Variants in PDE2A observed in about 807,000 individuals in gnomAD.
PDE2A encodes phosphodiesterase 2A.
Under a neutral mutation model 133.6 loss-of-function variants are expected in PDE2A, and 53 were observed. The observed-to-expected ratio is 0.40, with a 90% CI of 0.32 to 0.50. The LOEUF is 0.50. PDE2A is among the 20% of genes least tolerant of loss of function. PDE2A has a pLI of 0.73. For missense variants in PDE2A, 796 were observed against 1,232.4 expected (o/e 0.65, Z 5.30); for synonymous variants, 491 against 490.2 (o/e 1.00, Z -0.02).
At position 72,589,810 on chromosome 11, in the gene PDE2A, G is replaced by C. The variant is rs375898936; in HGVS notation, c.832-18C>G. On this transcript the variant is annotated intron_variant, in intron 10 of 30. Transcript: ENST00000334456. The stretch of plus-strand genomic sequence containing the variant: ...CCGATGACCTGAGGAACGGAGTGCA[G>C]GGGGCTGGTTAAAGGAAAGGCAATG... 55 of 1,613,048 alleles carry C rather than the reference G, an allele frequency of 3.4e-5. No homozygotes were observed. Among genetic ancestry groups the C allele is most frequent in the Non-Finnish European group, 4.3e-5 (51 of 1,179,558 alleles).
intron 2 of PDE2A, chr11:72,631,266 G>T (rs4944591): frequency 0.15 from 102,097 of 660,988 alleles, 8,241 homozygotes; most frequent in Middle Eastern, 0.17. Flanking sequence ...TTGCCTGCTT[G>T]CACCCTGCTC....
In PDE2A at chr11:72,579,073, C is replaced by T. The variant is rs1314844634; in HGVS notation, c.2357-64G>A. 10 of 1,244,834 alleles carry T rather than the reference C, an allele frequency of 8.0e-6. No individual in the cohort carries two copies. In the African/African-American group the frequency reaches 1.0e-4, roughly 13 times the overall value. The allele number at this position is 1,244,834 out of a possible 1,614,324, so 77.1% of individuals were successfully genotyped here. A position where few individuals can be genotyped will look rare whatever the true frequency, so the allele number is the denominator to read the frequency against. On this transcript the variant is annotated intron_variant, in intron 27 of 30. Transcript: ENST00000334456. The stretch of plus-strand genomic sequence containing the variant: ...CCTCTTTGCCCTTCTGAGGACAAGG[C>T]TCCCAGGGCCCAACCCAGAGCGGTC...
At chr11:72,589,056 G>T in intron 12 of PDE2A, 119 bp downstream of exon 12, 2 of 1,223,334 alleles carry the variant, frequency 1.6e-6, no homozygotes, top group Non-Finnish European at 2.4e-6. Flanking sequence ...TGGGACAGTA[G>T]AAAGTCCCCA....
intron 2 of PDE2A, among the ~76,000 whole-genome samples, chr11:72,630,028 G>T (rs1246681300): frequency 5.9e-5 from 9 of 152,038 alleles, no homozygotes; most frequent in Non-Finnish European, 1.2e-4. Flanking sequence ...CCTCCTCTGT[G>T]CCGATCTTCA....
rs1388735867 is a variant in PDE2A at position 72,597,096 on chromosome 11, G to T, written c.433+414C>A. Among the ~76,000 whole-genome samples, 1 of 152,092 alleles carries T rather than the reference G, an allele frequency of 6.6e-6. No homozygotes were observed. The highest frequency in any genetic ancestry group is 1.5e-5 in the Non-Finnish European group (1 of 68,024). ...GAGGCAGAGAGGGACATGGCGGACA[G>T]GAGGCATGGAGGAGAAGAAAAAGAG... On this transcript the variant is annotated intron_variant, in intron 5 of 30. Transcript: ENST00000334456. This position sits in a 1 kb window ranked among gnomAD's most constrained non-coding sequence, Gnocchi z 4.6.
intron 1 of PDE2A, among the ~76,000 whole-genome samples, chr11:72,650,804 T>A (rs1029766682): frequency 6.6e-6 from 1 of 151,112 alleles, no homozygotes; most frequent in African/African-American, 2.4e-5. Flanking sequence ...CCACCTGCTA[T>A]TCCTGGGCTG....
chr11:72,584,174 A>ACCCCCCCCCC, intron 19 of PDE2A, 27 bp downstream of exon 19: 3 of 426,540 alleles, frequency 7.0e-6, no homozygotes, highest in South Asian at 2.0e-5. Context: ...CTATCACCCC[A>ACCCCCCCCCC]CACCCCACTC....
At chr11:72,657,906 A>G (rs1591136354) in intron 1 of PDE2A, 1 of 456,132 alleles carries the variant, frequency 2.2e-6, no homozygotes, top group South Asian at 1.5e-5. Flanking sequence ...CCATGATGGG[A>G]GCCTCCCACC....
In PDE2A at chr11:72,667,672, A is replaced by T. The variant is rs7108786; in HGVS notation, c.71+6465T>A. The stretch of plus-strand genomic sequence containing the variant: ...ATATTACAGCACAGCTCTATGGTAT[A>T]AAAGTCATCACTCCTCAGCCTGAGG... On this transcript the variant is annotated intron_variant, in intron 1 of 30. Coordinates refer to ENST00000334456, the MANE Select transcript of PDE2A (RefSeq NM_002599.5). Among the ~76,000 whole-genome samples, 871 of 152,282 alleles carry T rather than the reference A, an allele frequency of 5.7e-3. 7 individuals carry two copies. Among genetic ancestry groups the T allele is most frequent in the African/African-American group, 0.02 (834 of 41,554 alleles).
In PDE2A at chr11:72,596,652, A is replaced by AG. The variant is rs770487345; in HGVS notation, c.434-5dup. ...TCCGCTAGCGGCATGACCAGCACTGAGGGGGAGAGGGCAATGAGGTGCTCC... is the reference window on the plus strand; with the variant it reads ...TCCGCTAGCGGCATGACCAGCACTGAGGGGGGAGAGGGCAATGAGGTGCTCC... On this transcript the variant is annotated splice_polypyrimidine_tract_variant and splice_region_variant and intron_variant, in intron 5 of 30. Coordinates refer to ENST00000334456, the MANE Select transcript of PDE2A (RefSeq NM_002599.5). The AG allele has an allele frequency of 2.1e-6, 3 of 1,459,348 alleles. No individual in the cohort carries two copies. The highest frequency in any genetic ancestry group is 1.8e-6 in the Non-Finnish European group (2 of 1,095,152). The allele number at this position is 1,459,348 out of a possible 1,614,324, so 90.4% of individuals were successfully genotyped here.
At chr11:72,642,403 GC>G in intron 1 of PDE2A, 77 bp from the exon 2 acceptor site, 1 of 1,284,372 alleles carries the variant, frequency 7.8e-7, no homozygotes, top group Non-Finnish European at 9.9e-7. Context: ...CCGCCCGCCG[GC>G]CCGGCCGCTG....
At chr11:72,629,434 T>C (rs1293281275) in intron 2 of PDE2A, among the ~76,000 whole-genome samples, 1 of 152,184 alleles carries the variant, frequency 6.6e-6, no homozygotes. Context: ...TCCTGGCGGG[T>C]GGCCGAGGCT....
At chr11:72,657,054 G>C (rs1205791170) in intron 1 of PDE2A, among the ~76,000 whole-genome samples, 1 of 151,974 alleles carries the variant, frequency 6.6e-6, no homozygotes, top group African/African-American at 2.4e-5. Context: ...ATCCCACGCT[G>C]CTTCATCTCT....
rs535397919 is a variant in PDE2A, at chr11:72,604,599, A to T, written c.323+539T>A. ...TATCACCATTTCATAAACAAAACTG[A>T]GGCACAGAGAGGTTGTGTCATTTGC... On this transcript the variant is annotated intron_variant, in intron 4 of 30. Coordinates refer to ENST00000334456, the MANE Select transcript of PDE2A (RefSeq NM_002599.5). 9.9e-4 allele frequency among the ~76,000 whole-genome samples: 151 copies of T among 152,326 alleles called. 2 individuals are homozygous for T. Among genetic ancestry groups the T allele is most frequent in the Non-Finnish European group, 4.7e-4 (32 of 68,034 alleles).
intron 2 of PDE2A, among the ~76,000 whole-genome samples, chr11:72,616,479 G>A: frequency 6.6e-6 from 1 of 152,206 alleles, no homozygotes; most frequent in East Asian, 1.9e-4. Context: ...GGTGTTGGTA[G>A]GCGTTTGCTG....
chr11:72,658,999 A>G (rs1409379601), intron 1 of PDE2A, among the ~76,000 whole-genome samples: 1 of 152,116 alleles, frequency 6.6e-6, no homozygotes, highest in African/African-American at 2.4e-5. Context: ...AGCTGAGCAC[A>G]AAGTCTTGCT....
chr11:72,651,489 G>T (rs181449132), intron 1 of PDE2A, among the ~76,000 whole-genome samples: 4 of 152,268 alleles, frequency 2.6e-5, no homozygotes, highest in Admixed American at 6.5e-5. Flanking sequence ...AGAGGCCAGG[G>T]TCTGGGGGGG....
chr11:72,638,878 G>C (rs1379878896), intron 2 of PDE2A, among the ~76,000 whole-genome samples: 2 of 152,222 alleles, frequency 1.3e-5, no homozygotes. Flanking sequence ...GTGTTGCCTG[G>C]GGAATGGCCA....
At chr11:72,644,959 G>A (rs1859091869) in intron 1 of PDE2A, among the ~76,000 whole-genome samples, 1 of 152,128 alleles carries the variant, frequency 6.6e-6, no homozygotes. Flanking sequence ...ATTTCGCCAT[G>A]TTGGCCAGGA....
Sources: allele counts gnomAD v4.1 joint callset (sites outside exome capture counted in the v4.1 genomes callset), GRCh38; gene constraint gnomAD v4.1.1; non-coding constraint Gnocchi (gnomAD v3.1); transcripts MANE v1.5; gene names NCBI Gene and HGNC (gene_info 2026-07-23, HGNC 2026-07-21).